Variants in SGCG observed in about 807,000 individuals in gnomAD.
SGCG encodes gamma-sarcoglycan.
Under a neutral mutation model 29.3 loss-of-function variants are expected in SGCG, and 26 were observed. That is an observed-to-expected ratio of 0.89 (90% CI 0.65 to 1.23). The LOEUF (loss-of-function observed/expected upper bound fraction) is 1.23, where lower values mean the gene tolerates loss of function less well. SGCG is among the 50% of genes most tolerant of loss of function. The pLI is 0.00. For missense variants in SGCG, 353 were observed against 356.0 expected (o/e 0.99, Z 0.07); for synonymous variants, 145 against 129.7 (o/e 1.12, Z -0.80).
intron 4 of SGCG, among the ~76,000 whole-genome samples, chr13:23,276,713 G>A (rs1881089388): frequency 6.6e-6 from 1 of 152,192 alleles, no homozygotes; most frequent in African/African-American, 2.4e-5. Flanking sequence ...GGGATTACAG[G>A]CGTAAGCCAC....
At position 23,299,859 on chromosome 13, in the gene SGCG, T is replaced by TA. The variant is rs201988536; in HGVS notation, c.578+4377dup. On this transcript the variant is annotated intron_variant, in intron 6 of 7. Coordinates refer to ENST00000218867, the MANE Select transcript of SGCG (RefSeq NM_000231.3). ...ACACATGATGTAATTCATTCTTTTT[T>TA]AAAAAGTCAGCAAAAGTGTATTAAA... Among the ~76,000 whole-genome samples, 628 of 152,270 alleles carry TA rather than the reference T, an allele frequency of 4.1e-3. 3 individuals carry two copies. Among genetic ancestry groups the TA allele is most frequent in the African/African-American group, 0.014 (595 of 41,546 alleles).
chr13:23,278,422 G>A (rs773423447), intron 4 of SGCG, among the ~76,000 whole-genome samples: 3 of 146,446 alleles, frequency 2.0e-5, no homozygotes, highest in African/African-American at 2.5e-5. Context: ...CAGCCTGGGC[G>A]ACATGAGCGA....
At chr13:23,296,699 A>G (rs1881923309) in intron 6 of SGCG, among the ~76,000 whole-genome samples, 1 of 152,066 alleles carries the variant, frequency 6.6e-6, no homozygotes, top group Non-Finnish European at 1.5e-5. Context: ...TTTTGTGCCT[A>G]GTTTATCCGA....
rs190663019 is a variant in SGCG, at chr13:23,278,195, G to A, written c.386-1164G>A. ...ATGGTGGCTCACACCTGTCATCCTA[G>A]CACTTTGGGAGGCCAAGGCTGGCGG... On this transcript the variant is annotated intron_variant, in intron 4 of 7. Transcript: ENST00000218867. Among the ~76,000 whole-genome samples the A allele has an allele frequency of 2.7e-3, 413 of 152,114 alleles. 2 individuals are homozygous for A. Among genetic ancestry groups the A allele is most frequent in the East Asian group, 9.0e-3 (46 of 5,100 alleles).
the SGCG span, among the ~76,000 whole-genome samples, chr13:23,168,248 A>G: frequency 6.6e-6 from 1 of 152,150 alleles, no homozygotes; most frequent in Admixed American, 6.5e-5. Flanking sequence ...CTTTACCATT[A>G]TATTTAAAAT....
At chr13:23,228,542 T>C (rs1878987771) in intron 2 of SGCG, among the ~76,000 whole-genome samples, 1 of 152,162 alleles carries the variant, frequency 6.6e-6, no homozygotes, top group African/African-American at 2.4e-5. Flanking sequence ...TACAGATTAT[T>C]TCGTCACCCA....
intron 1 of SGCG, among the ~76,000 whole-genome samples, chr13:23,202,469 G>A (rs1338837634): frequency 6.6e-6 from 1 of 152,172 alleles, no homozygotes; most frequent in African/African-American, 2.4e-5. Context: ...CTGATATGGG[G>A]CTTGAGGGAA....
At chr13:23,297,570 C>T (rs1178740371) in intron 6 of SGCG, among the ~76,000 whole-genome samples, 2 of 152,222 alleles carry the variant, frequency 1.3e-5, no homozygotes, top group African/African-American at 4.8e-5. Context: ...ACAGATTGCT[C>T]ATGCTATTGT....
chr13:23,240,492 A>G (rs2137552695), intron 3 of SGCG, among the ~76,000 whole-genome samples: 1 of 152,370 alleles, frequency 6.6e-6, no homozygotes, highest in Non-Finnish European at 1.5e-5. Flanking sequence ...TTTTCAGAGC[A>G]TGCTGCTCAA....
At chr13:23,292,826 T>C (rs563577836) in intron 5 of SGCG, among the ~76,000 whole-genome samples, 1 of 152,338 alleles carries the variant, frequency 6.6e-6, no homozygotes, top group South Asian at 2.1e-4. Context: ...CAAACAATGT[T>C]ACATAAACCA....
intron 4 of SGCG, among the ~76,000 whole-genome samples, chr13:23,274,470 TTG>T (rs1880992969): frequency 6.9e-6 from 1 of 145,168 alleles, no homozygotes; most frequent in Admixed American, 7.1e-5. Context: ...TGGTGCGATC[TTG>T]GCTCGCTGCA....
intron 1 of SGCG, among the ~76,000 whole-genome samples, chr13:23,186,293 G>T (rs1181611690): frequency 2.0e-5 from 3 of 152,188 alleles, no homozygotes; most frequent in Non-Finnish European, 4.4e-5. Context: ...ACCAGCAAAT[G>T]CCTTGCTGGT....
intron 3 of SGCG, among the ~76,000 whole-genome samples, chr13:23,240,770 A>G (rs376629680): frequency 1.7e-4 from 26 of 152,326 alleles, no homozygotes; most frequent in East Asian, 1.5e-3. Flanking sequence ...ACTGAATGAC[A>G]ATTAAGAAAA....
intron 4 of SGCG, among the ~76,000 whole-genome samples, chr13:23,264,735 A>G (rs1171431063): frequency 1.3e-5 from 2 of 152,222 alleles, no homozygotes; most frequent in Non-Finnish European, 2.9e-5. Context: ...AGATACATAG[A>G]TCAATGGATC....
chr13:23,225,780 TACAC>T (rs60718653), intron 2 of SGCG, among the ~76,000 whole-genome samples: 12,272 of 148,546 alleles, frequency 0.083, 637 homozygotes, highest in East Asian at 0.21. Context: ...GGACATGTCA[TACAC>T]ACACACACAC....
At chr13:23,227,435 T>C (rs1253855041) in intron 2 of SGCG, among the ~76,000 whole-genome samples, 2 of 152,058 alleles carry the variant, frequency 1.3e-5, no homozygotes, top group African/African-American at 4.8e-5. Context: ...GAAAACAACA[T>C]TTTGACAGTT....
intron 5 of SGCG, among the ~76,000 whole-genome samples, chr13:23,294,527 A>G (rs1261906198): frequency 1.3e-5 from 2 of 152,274 alleles, no homozygotes; most frequent in Non-Finnish European, 2.9e-5. Flanking sequence ...TCATTTTCCT[A>G]TGTGAAAATA....
chr13:23,213,154 G>C (rs918203321), intron 2 of SGCG, among the ~76,000 whole-genome samples: 4 of 152,126 alleles, frequency 2.6e-5, no homozygotes, highest in African/African-American at 9.7e-5. Flanking sequence ...AATAATTAGG[G>C]TTGCAATTTA....
At position 23,279,463 on chromosome 13, in the gene SGCG, A is replaced by G. The variant is rs1176612387; in HGVS notation, c.490A>G (p.Lys164Glu). 3.7e-6 allele frequency: 6 copies of G among 1,613,234 alleles called. No homozygotes were observed. Among genetic ancestry groups the G allele is most frequent in the Non-Finnish European group, 5.1e-6 (6 of 1,179,398 alleles). The stretch of plus-strand genomic sequence containing the variant: ...GAAGGAAGTTGTGGTTGGTACAGAT[A>G]AACTTCGAGTAACTGGTATGTACTA... The part of the protein sequence containing the change: ...DEKEVVVGTD[K>E]LRVTGPEGAL... The change falls in exon 5 of 8, where the codon AAA becomes GAA. Residue 164 changes from lysine to glutamate, a missense_variant. Transcript: ENST00000218867.
Sources: allele counts gnomAD v4.1 joint callset (sites outside exome capture counted in the v4.1 genomes callset), GRCh38; gene constraint gnomAD v4.1.1; transcripts MANE v1.5; gene names NCBI Gene and HGNC (gene_info 2026-07-23, HGNC 2026-07-21).